Variants in TSPAN8 observed in about 807,000 individuals in gnomAD.
The protein encoded by TSPAN8 is tetraspanin-8.
TSPAN8 carries 21 observed loss-of-function variants against 32.8 expected under a neutral mutation model. The observed-to-expected ratio is 0.64, with a 90% CI of 0.45 to 0.92. TSPAN8 has a LOEUF of 0.92. Ranked by LOEUF, TSPAN8 falls within the 40% of genes least tolerant of loss-of-function variation. The pLI is 0.00. For synonymous variants in TSPAN8, 95 were observed against 94.6 expected, an observed-to-expected ratio of 1.00 and a Z score of -0.03; for missense variants, 269 against 281.9, an observed-to-expected ratio of 0.95 and a Z score of 0.33.
intron 2 of TSPAN8, among the ~76,000 whole-genome samples, chr12:71,150,441 C>G (rs993480766): frequency 6.6e-6 from 1 of 152,102 alleles, no homozygotes; most frequent in East Asian, 1.9e-4. Context: ...TCTTGTACCC[C>G]TTCCCCTTTT....
chr12:71,149,108 G>T (rs916518717), intron 2 of TSPAN8, among the ~76,000 whole-genome samples: 2 of 152,112 alleles, frequency 1.3e-5, no homozygotes, highest in African/African-American at 4.8e-5. Flanking sequence ...CTGATTTAGA[G>T]TTCATTCAGA....
At position 71,154,311 on chromosome 12, in the gene TSPAN8, AAATAATAATAATAATAAT is replaced by A. The variant is rs58976021; in HGVS notation, c.60+3290_60+3307del. On this transcript the variant is annotated intron_variant, in intron 2 of 8. Coordinates refer to ENST00000247829, the MANE Select transcript of TSPAN8 (RefSeq NM_004616.3). ...GGCAACAGAGCGAGACTCTGTCTCA[AAATAATAATAATAATAAT>A]AATAATAATAATAATAATAATAATA... is the stretch of plus-strand genomic sequence containing the variant. Among the ~76,000 whole-genome samples, 20 of 137,224 alleles carry A rather than the reference AAATAATAATAATAATAAT, an allele frequency of 1.5e-4. 1 individual carries two copies. The highest frequency in any genetic ancestry group is 2.5e-4 in the South Asian group (1 of 4,062). 90.0% of individuals were successfully genotyped at this position (137,224 alleles called of 152,430 possible). A position where few individuals can be genotyped will look rare whatever the true frequency, so the allele number is the denominator to read the frequency against.
intron 2 of TSPAN8, among the ~76,000 whole-genome samples, chr12:71,148,602 T>C (rs374925553): frequency 6.6e-6 from 1 of 152,216 alleles, no homozygotes; most frequent in East Asian, 1.9e-4. Flanking sequence ...TTGTGTTCCA[T>C]TTATTTTGTC....
chr12:71,132,897 A>G (rs1397566), intron 6 of TSPAN8, 73 bp from the exon 7 acceptor site: 586,813 of 1,519,324 alleles, frequency 0.39, 115,634 homozygotes, highest in African/African-American at 0.45. Context: ...TTAAATTATA[A>G]TCTTCTGAAA....
chr12:71,154,697 T>C (rs1872369817), intron 2 of TSPAN8, among the ~76,000 whole-genome samples: 1 of 152,238 alleles, frequency 6.6e-6, no homozygotes, highest in South Asian at 2.1e-4. Context: ...TTTATTAGCA[T>C]ATTAATATTT....
intron 2 of TSPAN8, among the ~76,000 whole-genome samples, chr12:71,152,369 A>G (rs1013699208): frequency 3.3e-5 from 5 of 152,232 alleles, no homozygotes; most frequent in Admixed American, 3.3e-4. Context: ...ATTTAAATTT[A>G]TTCATCACTA....
At chr12:71,132,396 G>C (rs1160840832) in intron 7 of TSPAN8, among the ~76,000 whole-genome samples, 1 of 152,174 alleles carries the variant, frequency 6.6e-6, no homozygotes, top group Non-Finnish European at 1.5e-5. Flanking sequence ...TAATGATTAA[G>C]ATGACCAAAG....
At chr12:71,150,768 C>T (rs952642372) in intron 2 of TSPAN8, among the ~76,000 whole-genome samples, 1 of 152,032 alleles carries the variant, frequency 6.6e-6, no homozygotes, top group African/African-American at 2.4e-5. Context: ...CGGGTGGTTC[C>T]CCCATACTGT....
At chr12:71,146,881 C>T (rs550947177) in intron 2 of TSPAN8, among the ~76,000 whole-genome samples, 193 of 152,208 alleles carry the variant, frequency 1.3e-3, no homozygotes, top group African/African-American at 4.5e-3. Context: ...TGATGATAGG[C>T]TTTTAGAAGA....
intron 2 of TSPAN8, among the ~76,000 whole-genome samples, chr12:71,152,273 T>C (rs1345708526): frequency 6.6e-6 from 1 of 152,204 alleles, no homozygotes; most frequent in African/African-American, 2.4e-5. Flanking sequence ...AATCCACTTT[T>C]TCCCCATTCC....
intron 6 of TSPAN8, among the ~76,000 whole-genome samples, chr12:71,134,000 T>G (rs1043116032): frequency 1.8e-4 from 27 of 152,294 alleles, no homozygotes; most frequent in African/African-American, 6.0e-4. Context: ...TTTCACTTAC[T>G]GGGCAGGTAA....
chr12:71,142,866 G>C (rs1490213152), intron 3 of TSPAN8, among the ~76,000 whole-genome samples: 1 of 149,186 alleles, frequency 6.7e-6, no homozygotes, highest in Non-Finnish European at 1.5e-5. Flanking sequence ...AAAAAACAGA[G>C]ATAGAGTGAG....
At chr12:71,127,465 A>G (rs11178642) in intron 8 of TSPAN8, among the ~76,000 whole-genome samples, 48,314 of 151,904 alleles carry the variant, frequency 0.32, 8,526 homozygotes, top group Non-Finnish European at 0.41. Flanking sequence ...CCAACTATTT[A>G]CCATATCTGC....
chr12:71,127,762 A>G (rs942231026), intron 8 of TSPAN8, among the ~76,000 whole-genome samples: 1 of 152,200 alleles, frequency 6.6e-6, no homozygotes, highest in African/African-American at 2.4e-5. Context: ...CTATGACACA[A>G]AGGATTTCAT....
chr12:71,134,487 G>A (rs1871618238), intron 6 of TSPAN8, among the ~76,000 whole-genome samples: 1 of 152,162 alleles, frequency 6.6e-6, no homozygotes, highest in South Asian at 2.1e-4. Flanking sequence ...TTGTACTTAT[G>A]TCCAAAGACT....
chr12:71,133,141 T>C (rs1050789652), intron 6 of TSPAN8, among the ~76,000 whole-genome samples: 1 of 152,150 alleles, frequency 6.6e-6, no homozygotes, highest in African/African-American at 2.4e-5. Context: ...TGGAGTGCAG[T>C]GACGCGATCT....
intron 4 of TSPAN8, 107 bp downstream of exon 4, chr12:71,139,604 G>A: frequency 7.1e-7 from 1 of 1,406,336 alleles, no homozygotes; most frequent in South Asian, 1.5e-5. Flanking sequence ...AGAAGTTGGA[G>A]TTAGAGTTTC....
At chr12:71,137,857 G>T in intron 6 of TSPAN8, 96 bp downstream of exon 6, 1 of 1,131,372 alleles carries the variant, frequency 8.8e-7, no homozygotes, top group East Asian at 2.4e-5. Flanking sequence ...CTGCAAAATG[G>T]AGACATTTTT....
intron 8 of TSPAN8, 140 bp downstream of exon 8, chr12:71,129,191 A>T: frequency 2.4e-6 from 2 of 848,788 alleles, no homozygotes; most frequent in Non-Finnish European, 3.4e-6. Flanking sequence ...TTTAGCATCC[A>T]GTGCTTTTCT....
Sources: allele counts gnomAD v4.1 joint callset (sites outside exome capture counted in the v4.1 genomes callset), GRCh38; gene constraint gnomAD v4.1.1; transcripts MANE v1.5; gene names NCBI Gene and HGNC (gene_info 2026-07-23, HGNC 2026-07-21).